Variants in BRINP3 observed in about 807,000 individuals in gnomAD.
The protein encoded by BRINP3 is BMP/retinoic acid-inducible neural-specific protein 3.
BRINP3 carries 19 observed loss-of-function variants against 71.0 expected under a neutral mutation model. That is an observed-to-expected ratio of 0.27 (90% CI 0.19 to 0.39). The LOEUF (loss-of-function observed/expected upper bound fraction) is 0.39, where lower values mean the gene tolerates loss of function less well. Ranked by LOEUF, BRINP3 falls within the 10% of genes least tolerant of loss-of-function variation. BRINP3 has a pLI of 1.00. For missense variants in BRINP3, 959 were observed against 940.8 expected, an observed-to-expected ratio of 1.02 and a Z score of -0.25; for synonymous variants, 380 against 337.7, an observed-to-expected ratio of 1.13 and a Z score of -1.37.
chr1:190,377,323 C>T (rs377266395), intron 2 of BRINP3, among the ~76,000 whole-genome samples: 11 of 151,748 alleles, frequency 7.2e-5, no homozygotes, highest in African/African-American at 1.7e-4. Flanking sequence ...GTTTTCCAGA[C>T]GGCAATAAAA....
At chr1:190,384,967 G>A (rs1670791371) in intron 2 of BRINP3, among the ~76,000 whole-genome samples, 1 of 151,328 alleles carries the variant, frequency 6.6e-6, no homozygotes, top group African/African-American at 2.4e-5. Context: ...AAGGAATGGG[G>A]AAAGGATTCC....
chr1:190,205,724 G>C (rs914340074), intron 6 of BRINP3, among the ~76,000 whole-genome samples: 1 of 151,962 alleles, frequency 6.6e-6, no homozygotes, highest in African/African-American at 2.4e-5. Context: ...ACAAGAAAAT[G>C]ATACAAAAGG....
intron 2 of BRINP3, among the ~76,000 whole-genome samples, chr1:190,420,625 T>C (rs1261886169): frequency 6.6e-6 from 1 of 151,968 alleles, no homozygotes. Flanking sequence ...TTGAAAACTT[T>C]CCGTTTGGAG....
chr1:190,334,841 C>T (rs1667187067), intron 2 of BRINP3, among the ~76,000 whole-genome samples: 1 of 151,466 alleles, frequency 6.6e-6, no homozygotes, highest in Non-Finnish European at 1.5e-5. Flanking sequence ...TGGGCAGGCT[C>T]AGATAGAAAA....
In BRINP3 at chr1:190,176,406, A is replaced by T. The variant is rs941902684; in HGVS notation, c.962-15516T>A. ...CCAATATTAATGTTGGAGGAATAGA[A>T]TAACCACAACAAACATAACCCTTTG... On this transcript the variant is annotated intron_variant, in intron 6 of 7. Coordinates refer to ENST00000367462, the MANE Select transcript of BRINP3 (RefSeq NM_199051.3). Among the ~76,000 whole-genome samples the T allele has an allele frequency of 2.6e-5, 4 of 152,174 alleles. No individual in the cohort carries two copies. In the South Asian group the frequency reaches 8.3e-4, roughly 32 times the overall value.
At chr1:190,162,259 C>T (rs576506563) in intron 6 of BRINP3, among the ~76,000 whole-genome samples, 278 of 150,414 alleles carry the variant, frequency 1.8e-3, no homozygotes, top group Non-Finnish European at 3.1e-3. Context: ...GGTGCCATCT[C>T]GGTTCACTGC....
chr1:190,226,858 A>G (rs1364822264), intron 5 of BRINP3, among the ~76,000 whole-genome samples: 2 of 151,942 alleles, frequency 1.3e-5, no homozygotes, highest in Non-Finnish European at 1.5e-5. Flanking sequence ...AAGAGTGAGT[A>G]CCAAAAATAA....
intron 2 of BRINP3, among the ~76,000 whole-genome samples, chr1:190,294,657 G>A (rs900454051): frequency 2.6e-5 from 4 of 151,980 alleles, no homozygotes; most frequent in Non-Finnish European, 5.9e-5. Flanking sequence ...ATATTTCCTT[G>A]AATATTTTGG....
Position 190,189,653 on chromosome 1 carries a change from T to A in BRINP3, c.962-28763A>T, listed in dbSNP as rs12042466. On this transcript the variant is annotated intron_variant, in intron 6 of 7. Coordinates refer to ENST00000367462, the MANE Select transcript of BRINP3 (RefSeq NM_199051.3). ...AAATTTCTCATTCTACTCACTTTTT[T>A]TAATTTTTCCCATTGATTTTTTTTA... Among the ~76,000 whole-genome samples, 818 of 152,246 alleles carry A rather than the reference T, an allele frequency of 5.4e-3. 4 individuals are homozygous for A. The highest frequency in any genetic ancestry group is 6.9e-3 in the Non-Finnish European group (470 of 68,014).
At chr1:190,255,045 TC>T (rs893899899) in intron 4 of BRINP3, among the ~76,000 whole-genome samples, 3 of 152,052 alleles carry the variant, frequency 2.0e-5, no homozygotes, top group African/African-American at 7.2e-5. Flanking sequence ...GTTTTTTTTT[TC>T]ATTGGTTCTG....
intron 2 of BRINP3, among the ~76,000 whole-genome samples, chr1:190,429,297 T>G (rs1355624199): frequency 6.6e-6 from 1 of 152,168 alleles, no homozygotes; most frequent in Admixed American, 6.5e-5. Context: ...AGAATTTAAA[T>G]GTATAGCACT....
Position 190,338,828 on chromosome 1 carries a change from A to C in BRINP3, c.237-57078T>G, listed in dbSNP as rs536691542. On this transcript the variant is annotated intron_variant, in intron 2 of 7. Transcript: ENST00000367462. ...AGGTAAGGAGTTTTAATTAAGAAAA[A>C]CTATCATATAGGACCTTCATTTCAC... 8.6e-5 allele frequency among the ~76,000 whole-genome samples: 13 copies of C among 151,974 alleles called. No homozygotes were observed. The South Asian group carries it at 1.0e-3, about 12-fold the overall frequency.
chr1:190,216,200 C>G (rs920364485), intron 6 of BRINP3, among the ~76,000 whole-genome samples: 1 of 151,666 alleles, frequency 6.6e-6, no homozygotes, highest in Non-Finnish European at 1.5e-5. Context: ...AAGTTTGAAT[C>G]CTTGATCCAC....
At chr1:190,352,025 AT>A (rs912242648) in intron 2 of BRINP3, among the ~76,000 whole-genome samples, 2 of 151,888 alleles carry the variant, frequency 1.3e-5, no homozygotes, top group Non-Finnish European at 2.9e-5. Context: ...GTAAATCTTT[AT>A]TTTTTTCTGT....
At chr1:190,405,167 C>T (rs574717101) in intron 2 of BRINP3, among the ~76,000 whole-genome samples, 3 of 152,028 alleles carry the variant, frequency 2.0e-5, no homozygotes, top group South Asian at 2.1e-4. Flanking sequence ...GAATCAGAAA[C>T]GTGGCCGGGC....
At chr1:190,241,280 T>C (rs1411156231) in intron 4 of BRINP3, among the ~76,000 whole-genome samples, 1 of 152,130 alleles carries the variant, frequency 6.6e-6, no homozygotes, top group East Asian at 1.9e-4. Flanking sequence ...ATAAAAGAGA[T>C]GCTGTATCTG....
chr1:190,225,012 C>A (rs183367572), intron 6 of BRINP3, among the ~76,000 whole-genome samples: 19 of 151,650 alleles, frequency 1.3e-4, no homozygotes, highest in African/African-American at 4.6e-4. Flanking sequence ...AAAGGGGAAC[C>A]CTTCTACACT....
chr1:190,411,710 A>G (rs1672672957), intron 2 of BRINP3, among the ~76,000 whole-genome samples: 1 of 152,224 alleles, frequency 6.6e-6, no homozygotes, highest in African/African-American at 2.4e-5. Context: ...AAGAATTTTA[A>G]AAAGTTATGT....
intron 2 of BRINP3, among the ~76,000 whole-genome samples, chr1:190,409,534 TA>T (rs1672522892): frequency 1.3e-5 from 2 of 152,212 alleles, no homozygotes; most frequent in Non-Finnish European, 2.9e-5. Context: ...TACACTCTTT[TA>T]AAAGTGATAC....
Sources: gnomAD v4.1 joint callset for allele counts (sites outside exome capture counted in the v4.1 genomes callset) on GRCh38, gnomAD v4.1.1 for gene constraint, MANE v1.5 for transcripts, NCBI Gene and HGNC (gene_info 2026-07-23, HGNC 2026-07-21) for gene names.